Variants in DMD observed in about 807,000 individuals in gnomAD.
The protein encoded by DMD is mutant dystrophin.
DMD carries 63 observed loss-of-function variants against 330.1 expected under a neutral mutation model. The ratio of observed to expected loss-of-function variants is 0.19; its 90% CI spans 0.16 to 0.24. The LOEUF (loss-of-function observed/expected upper bound fraction) is 0.24, where lower values mean the gene tolerates loss of function less well. Among genes scored for constraint, DMD ranks in the 10% least tolerant of loss-of-function variants. DMD has a pLI of 1.00. For synonymous variants in DMD, 1,223 were observed against 959.8 expected (o/e 1.27, Z -5.07); for missense variants, 3,344 against 2,684.1 (o/e 1.25, Z -5.43).
In DMD at chrX:31,594,565, T is replaced by C. The variant is rs1279898507; in HGVS notation, c.8217+33108A>G. Among the ~76,000 whole-genome samples, 5 of 111,802 alleles carry C rather than the reference T, an allele frequency of 4.5e-5. No individual in the cohort carries two copies. In the East Asian group the frequency reaches 1.1e-3, roughly 25 times the overall value. On this transcript the variant is annotated intron_variant, in intron 55 of 78. Coordinates refer to ENST00000357033, the MANE Select transcript of DMD (RefSeq NM_004006.3). ...AAATCATTAATTAACTGAAGCCATA[T>C]AATTTTGATAGTTTGGTTACTGGGC...
chrX:31,499,556 G>A (rs1246020110), intron 56 of DMD, among the ~76,000 whole-genome samples: 2 of 103,294 alleles, frequency 1.9e-5, no homozygotes, highest in African/African-American at 7.2e-5. Flanking sequence ...GCAATGGCAC[G>A]ATCTTGGCTC....
At chrX:32,907,710 T>C (rs771345527) in intron 2 of DMD, among the ~76,000 whole-genome samples, 51 of 112,172 alleles carry the variant, frequency 4.5e-4, no homozygotes, top group African/African-American at 1.6e-3. Context: ...TTTCTCAACA[T>C]TCAAGAATAA....
chrX:31,671,588 T>A (rs1435592921), intron 53 of DMD, among the ~76,000 whole-genome samples: 1 of 112,439 alleles, frequency 8.9e-6, no homozygotes, highest in Non-Finnish European at 1.9e-5. Context: ...ATATGTTTGG[T>A]AGAATTCATC....
chrX:31,139,474 TACAC>T (rs57784155), intron 76 of DMD, among the ~76,000 whole-genome samples: 18,506 of 98,295 alleles, frequency 0.19, 1,616 homozygotes, highest in Non-Finnish European at 0.26. Context: ...GGTGTTTATA[TACAC>T]ACACACACAC....
chrX:33,119,161 C>A lies in DMD; in HGVS notation c.31+92121G>T, dbSNP rs141616244. Among the ~76,000 whole-genome samples the A allele has an allele frequency of 4.2e-3, 468 of 112,291 alleles. 3 individuals carry two copies. Among genetic ancestry groups the A allele is most frequent in the African/African-American group, 0.015 (452 of 30,839 alleles). ...TTGAACATCTTTACTTCCTTGAACA[C>A]ATTGTATATATAATAGAGAAGGAGG... On this transcript the variant is annotated intron_variant, in intron 1 of 78. Transcript: ENST00000357033.
chrX:32,512,346 A>C (rs1012925964), intron 18 of DMD, among the ~76,000 whole-genome samples: 1 of 112,484 alleles, frequency 8.9e-6, no homozygotes, highest in Non-Finnish European at 1.9e-5. Flanking sequence ...TCTATAATGA[A>C]GTTTTACCCT....
At chrX:32,415,111 A>G (rs1223994848) in intron 29 of DMD, among the ~76,000 whole-genome samples, 2 of 112,123 alleles carry the variant, frequency 1.8e-5, no homozygotes, top group African/African-American at 3.2e-5. Flanking sequence ...CTAGCCAGGT[A>G]TTAAATTTGG....
At position 32,463,452 on chromosome X, in the gene DMD, T is replaced by C. The variant is rs201297190; in HGVS notation, c.3419A>G (p.His1140Arg). Residue 1140 changes from histidine to arginine, a missense_variant, in exon 25 of 79, where the codon CAC (histidine) becomes CGC (arginine). His to Arg is a conservative substitution (Grantham distance 29, BLOSUM62 0). Coordinates refer to ENST00000357033, the MANE Select transcript of DMD (RefSeq NM_004006.3). ...GATTGTCTATACCTGTTGGCACATG[T>C]GATCCCACTGAGTGTTAAGTTCTTT... ...ELKELNTQWD[H>R]MCQQVYARKE... 57 of 1,206,084 alleles carry C rather than the reference T, an allele frequency of 4.7e-5. No homozygotes were observed. In the Admixed American group the frequency reaches 1.2e-3, roughly 26 times the overall value.
At chrX:32,702,159 A>G (rs1414360321) in intron 7 of DMD, among the ~76,000 whole-genome samples, 1 of 112,361 alleles carries the variant, frequency 8.9e-6, no homozygotes, top group Non-Finnish European at 1.9e-5. Flanking sequence ...TTCTGCTTCT[A>G]ATTTGGAATA....
intron 44 of DMD, among the ~76,000 whole-genome samples, chrX:32,088,060 C>T (rs181236362): frequency 1.8e-5 from 2 of 112,215 alleles, no homozygotes; most frequent in East Asian, 5.6e-4. Flanking sequence ...GTCTGCCACT[C>T]GTTCAACAAT....
intron 55 of DMD, among the ~76,000 whole-genome samples, chrX:31,520,901 G>C (rs769773287): frequency 3.6e-5 from 4 of 110,537 alleles, no homozygotes; most frequent in Middle Eastern, 9.3e-3. Context: ...GGATGGTCTC[G>C]ATCTCCTGAC....
chrX:31,915,247 A>G (rs1603588355), intron 47 of DMD, among the ~76,000 whole-genome samples: 1 of 111,760 alleles, frequency 8.9e-6, no homozygotes, highest in East Asian at 2.8e-4. Context: ...TCTTGATGAT[A>G]AGAAAGAGAG....
chrX:31,729,775 C>G (rs1166549662), intron 51 of DMD, 27 bp from the exon 52 acceptor site: 2 of 1,105,211 alleles, frequency 1.8e-6, no homozygotes, highest in Non-Finnish European at 2.5e-6. Context: ...CCCTTAGTAT[C>G]AGGGTTCTTC....
intron 2 of DMD, among the ~76,000 whole-genome samples, chrX:32,884,392 A>C (rs903231000): frequency 1.8e-5 from 2 of 112,250 alleles, no homozygotes; most frequent in African/African-American, 3.2e-5. Flanking sequence ...AATTAGTTAA[A>C]AGCGGTACCA....
intron 74 of DMD, among the ~76,000 whole-genome samples, chrX:31,164,614 A>C: frequency 9.0e-6 from 1 of 110,583 alleles, no homozygotes; most frequent in African/African-American, 3.3e-5. Context: ...CATTTCTATC[A>C]CCTTACTTAA....
intron 44 of DMD, among the ~76,000 whole-genome samples, chrX:32,190,458 T>C (rs1338926126): frequency 9.6e-6 from 1 of 104,557 alleles, no homozygotes; most frequent in Non-Finnish European, 2.0e-5. Flanking sequence ...AGTGGATAAC[T>C]TAAAGTTTTA....
chrX:31,599,560 G>C (rs931126797), intron 55 of DMD, among the ~76,000 whole-genome samples: 4 of 112,308 alleles, frequency 3.6e-5, no homozygotes, highest in Non-Finnish European at 5.6e-5. Context: ...TGATTAGAAA[G>C]ACAATTGTAT....
chrX:32,141,271 C>A (rs866591864), intron 44 of DMD, among the ~76,000 whole-genome samples: 2 of 97,001 alleles, frequency 2.1e-5, no homozygotes, highest in African/African-American at 3.8e-5. Context: ...ACTAAAAATA[C>A]AAAAAAAAAA....
At chrX:31,395,971 A>G (rs898889201) in intron 60 of DMD, among the ~76,000 whole-genome samples, 12 of 111,950 alleles carry the variant, frequency 1.1e-4, no homozygotes, top group Non-Finnish European at 1.9e-4. Context: ...GAATTTAGGC[A>G]TATCTCTCAG....
Sources: allele counts gnomAD v4.1 joint callset (sites outside exome capture counted in the v4.1 genomes callset), GRCh38; gene constraint gnomAD v4.1.1; transcripts MANE v1.5; gene names NCBI Gene and HGNC (gene_info 2026-07-23, HGNC 2026-07-21).